ZFYVE16: variants seen among roughly 807,000 people sequenced by gnomAD.
The protein encoded by ZFYVE16 is zinc finger FYVE domain-containing protein 16.
ZFYVE16 carries 89 observed loss-of-function variants against 138.1 expected under a neutral mutation model. The ratio of observed to expected loss-of-function variants is 0.64; its 90% CI spans 0.54 to 0.77. ZFYVE16 has a LOEUF of 0.77. Among genes scored for constraint, ZFYVE16 ranks in the 30% least tolerant of loss-of-function variants. The probability of loss-of-function intolerance (pLI) is 0.00; values close to 1 mark genes in which losing one functional copy is unlikely to be tolerated. For missense variants in ZFYVE16, 1,793 were observed against 1,786.7 expected (o/e 1.00, Z -0.06); for synonymous variants, 596 against 618.3 (o/e 0.96, Z 0.53).
chr5:80,440,540 T>C (rs1304242102), intron 5 of ZFYVE16: 15 of 985,328 alleles, frequency 1.5e-5, no homozygotes, highest in Non-Finnish European at 1.8e-5. Context: ...TTTTGTCTCA[T>C]GTTTTTTTCT....
At chr5:80,430,392 G>A (rs1167023150) in intron 2 of ZFYVE16, among the ~76,000 whole-genome samples, 6 of 151,698 alleles carry the variant, frequency 4.0e-5, no homozygotes, top group South Asian at 2.1e-4. Flanking sequence ...TGAAACCAAC[G>A]AGAACAAAGA....
rs1303247842 is a variant in ZFYVE16, at chr5:80,437,834, T to G, written c.1149T>G (p.Ser383=). Residue 383 remains serine, a synonymous_variant, in exon 4 of 19, where the codon TCT becomes TCG. Transcript: ENST00000505560. ...SSLSCLPASG[S]MCGSLIESKA... Reference sequence around the variant, plus strand: ...TGTCCTGTCTTCCTGCGTCTGGGTCTATGTGTGGATCATTAATTGAAAGTA... The same window carrying G: ...TGTCCTGTCTTCCTGCGTCTGGGTCGATGTGTGGATCATTAATTGAAAGTA... The G allele has an allele frequency of 5.6e-6, 9 of 1,613,974 alleles. No individual in the cohort carries two copies. The highest frequency in any genetic ancestry group is 8.5e-7 in the Non-Finnish European group (1 of 1,179,970).
In ZFYVE16 at chr5:80,451,729, G is replaced by A. The variant is rs1752005192; in HGVS notation, c.3607+20G>A. The A allele has an allele frequency of 6.3e-7, 1 of 1,581,308 alleles. No individual in the cohort carries two copies. Among genetic ancestry groups the A allele is most frequent in the East Asian group, 2.2e-5 (1 of 44,614 alleles). On this transcript the variant is annotated intron_variant, in intron 11 of 18. Transcript: ENST00000505560. ...ATAAAGGTAAGTTTTAGAGTAATAA[G>A]TTAAATTGCATATTTTCAAATATAC...
At position 80,437,736 on chromosome 5, in the gene ZFYVE16, C is replaced by T; in HGVS notation, c.1051C>T (p.Leu351Phe). ...SAQEDSKSLDLKDNDVIQDSS... is the reference protein window; with the variant it reads ...SAQEDSKSLDFKDNDVIQDSS... ...ACAAGAAGACTCAAAAAGTTTAGAC[C>T]TTAAGGATAATGATGTAATCCAAGA... The change falls in exon 4 of 19, where the codon CTT (leucine) becomes TTT (phenylalanine). Residue 351 changes from leucine (L) to phenylalanine (F), a missense_variant. Around this residue, in one of 2 missense-constraint regions of ZFYVE16, gnomAD observed 1,295 missense variants for 1,204.3 expected, o/e 1.08. Transcript: ENST00000505560. 3 of 1,614,028 alleles carry T rather than the reference C, an allele frequency of 1.9e-6. No individual in the cohort carries two copies. The African/African-American group carries it at 4.0e-5, about 22-fold the overall frequency.
At chr5:80,407,644 G>T (rs886428424), upstream of ZFYVE16, among the ~76,000 whole-genome samples, 1 of 152,236 alleles carries the variant, frequency 6.6e-6, no homozygotes, top group African/African-American at 2.4e-5. Context: ...CGGAGAGCAG[G>T]CCTAGCCCGC....
At chr5:80,451,264 A>G (rs1432203731) in intron 10 of ZFYVE16, among the ~76,000 whole-genome samples, 1 of 152,230 alleles carries the variant, frequency 6.6e-6, no homozygotes, top group Non-Finnish European at 1.5e-5. Context: ...CCCAATATCT[A>G]GGAATAACTG....
intron 2 of ZFYVE16, among the ~76,000 whole-genome samples, chr5:80,428,375 A>G (rs1031590347): frequency 4.6e-5 from 7 of 152,340 alleles, no homozygotes; most frequent in African/African-American, 1.4e-4. Flanking sequence ...GCAAACTCCA[A>G]CAGACCTGCA....
chr5:80,445,896 T>A (rs1751284953), intron 7 of ZFYVE16, among the ~76,000 whole-genome samples: 1 of 147,662 alleles, frequency 6.8e-6, no homozygotes, highest in African/African-American at 2.6e-5. Context: ...CCTGGCAGAT[T>A]TTACCTTTTT....
chr5:80,426,230 ATGTGTGTGTGTCTGTG>A lies in ZFYVE16; in HGVS notation c.-93-1250_-93-1235del, dbSNP rs1747999285. Among the ~76,000 whole-genome samples, 9 of 87,562 alleles carry A rather than the reference ATGTGTGTGTGTCTGTG, an allele frequency of 1.0e-4. No individual in the cohort carries two copies. The South Asian group carries it at 1.1e-3, about 11-fold the overall frequency. The allele number at this position is 87,562 out of a possible 152,430, so 57.4% of individuals were successfully genotyped here. Reference sequence around the variant, plus strand: ...TGTGTGTGTGTGTGTGTGTGTGTGTATGTGTGTGTGTCTGTGTGTGTGTGTGTGTGTGTGTGTGTGT... The same window carrying A: ...TGTGTGTGTGTGTGTGTGTGTGTGTATGTGTGTGTGTGTGTGTGTGTGTGT... On this transcript the variant is annotated intron_variant, in intron 1 of 18. Coordinates refer to ENST00000505560, the MANE Select transcript of ZFYVE16 (RefSeq NM_001284236.3).
chr5:80,413,351 A>G (rs1228659873), intron 1 of ZFYVE16, among the ~76,000 whole-genome samples: 1 of 151,880 alleles, frequency 6.6e-6, no homozygotes, highest in Non-Finnish European at 1.5e-5. Flanking sequence ...CATGCCTGTA[A>G]TCCCAGCTAC....
chr5:80,431,055 A>G (rs1319963722), intron 2 of ZFYVE16, among the ~76,000 whole-genome samples: 1 of 152,232 alleles, frequency 6.6e-6, no homozygotes, highest in Non-Finnish European at 1.5e-5. Flanking sequence ...TCCAATCAAT[A>G]GAAAAAGAGG....
At chr5:80,473,593 A>G (rs1754595571) in intron 16 of ZFYVE16, among the ~76,000 whole-genome samples, 161 bp from the exon 17 acceptor site, 1 of 152,230 alleles carries the variant, frequency 6.6e-6, no homozygotes, top group Non-Finnish European at 1.5e-5. Flanking sequence ...CAATCAAGAA[A>G]TCTTGGTAAA....
intron 1 of ZFYVE16, among the ~76,000 whole-genome samples, chr5:80,426,604 C>T (rs1010952386): frequency 6.6e-6 from 1 of 152,132 alleles, no homozygotes; most frequent in African/African-American, 2.4e-5. Flanking sequence ...TTAGCCTCAT[C>T]CATGTACCTG....
chr5:80,457,886 T>C (rs1752683865), intron 14 of ZFYVE16, among the ~76,000 whole-genome samples: 1 of 150,330 alleles, frequency 6.7e-6, no homozygotes, highest in African/African-American at 2.4e-5. Flanking sequence ...ATTAGCCGGG[T>C]GTGGTGGCGG....
intron 11 of ZFYVE16, 28 bp downstream of exon 11, chr5:80,451,737 G>A (rs369633433): frequency 6.4e-7 from 1 of 1,572,126 alleles, no homozygotes; most frequent in Non-Finnish European, 8.7e-7. Flanking sequence ...AAGTTAAATT[G>A]CATATTTTCA....
At chr5:80,468,525 C>G (rs564390785) in intron 15 of ZFYVE16, among the ~76,000 whole-genome samples, 2 of 152,070 alleles carry the variant, frequency 1.3e-5, no homozygotes, top group African/African-American at 4.8e-5. Context: ...ACACAGAAAA[C>G]GCACAGTAAA....
intron 1 of ZFYVE16, among the ~76,000 whole-genome samples, chr5:80,423,676 C>T (rs574216215): frequency 1.3e-5 from 2 of 152,154 alleles, no homozygotes; most frequent in African/African-American, 4.8e-5. Context: ...GCTGGGACTA[C>T]GGGCACCCGC....
At chr5:80,428,696 T>C (rs565893296) in intron 2 of ZFYVE16, among the ~76,000 whole-genome samples, 1 of 152,244 alleles carries the variant, frequency 6.6e-6, no homozygotes, top group South Asian at 2.1e-4. Context: ...GCAAAGAAGC[T>C]AAAAACCTTG....
rs200704638 is a variant in ZFYVE16 at position 80,455,685 on chromosome 5, T to C, written c.3608-7T>C. 13 of 1,606,258 alleles carry C rather than the reference T, an allele frequency of 8.1e-6. No homozygotes were observed. Among genetic ancestry groups the C allele is most frequent in the African/African-American group, 1.3e-5 (1 of 74,248 alleles). Reference sequence around the variant, plus strand: ...GATAGTAACCAGTTTTCCTTTCTTATGTATAGCATATCCTGCTCCTCTAAC... The same window carrying C: ...GATAGTAACCAGTTTTCCTTTCTTACGTATAGCATATCCTGCTCCTCTAAC... On this transcript the variant is annotated splice_region_variant and splice_polypyrimidine_tract_variant and intron_variant, in intron 11 of 18. Coordinates refer to ENST00000505560, the MANE Select transcript of ZFYVE16 (RefSeq NM_001284236.3).
Sources: allele counts gnomAD v4.1 joint callset (sites outside exome capture counted in the v4.1 genomes callset), GRCh38; gene constraint gnomAD v4.1.1; regional missense constraint gnomAD v4.1.1; transcripts MANE v1.5; gene names NCBI Gene and HGNC (gene_info 2026-07-23, HGNC 2026-07-21).